Variants in FRMD4A observed in about 807,000 individuals in gnomAD.
FRMD4A encodes FERM domain-containing protein 4A.
Under a neutral mutation model 129.1 loss-of-function variants are expected in FRMD4A, and 29 were observed. The ratio of observed to expected loss-of-function variants is 0.22; its 90% CI spans 0.17 to 0.31. The LOEUF (loss-of-function observed/expected upper bound fraction) is 0.31, where lower values mean the gene tolerates loss of function less well. FRMD4A is among the 10% of genes least tolerant of loss of function. The pLI, the probability that FRMD4A is intolerant of heterozygous loss-of-function variation, is 1.00. For synonymous variants in FRMD4A, 634 were observed against 571.6 expected (o/e 1.11, Z -1.56); for missense variants, 1,272 against 1,375.8 (o/e 0.92, Z 1.19).
chr10:14,246,929 T>C (rs1336379809), intron 2 of FRMD4A, among the ~76,000 whole-genome samples: 2 of 152,076 alleles, frequency 1.3e-5, no homozygotes, highest in Admixed American at 1.3e-4. Flanking sequence ...CACCCGGTAG[T>C]GTAGCTGCGT....
rs56192445 is a variant in FRMD4A at position 13,959,471 on chromosome 10, TAAAAAAAA to T, written c.46-100567_46-100560del. On this transcript the variant is annotated intron_variant, in intron 2 of 24. Coordinates refer to ENST00000357447, the MANE Select transcript of FRMD4A (RefSeq NM_018027.5). Reference sequence around the variant, plus strand: ...CGGGTGACAGAGCAAGACTGTTTCATAAAAAAAAAAAAAAAAAAAAAAAAAAAAGCTGT... The same window carrying T: ...CGGGTGACAGAGCAAGACTGTTTCATAAAAAAAAAAAAAAAAAAAAGCTGT... Among the ~76,000 whole-genome samples the T allele has an allele frequency of 9.4e-5, 5 of 53,110 alleles. No individual in the cohort carries two copies. The East Asian group carries it at 3.2e-3, about 33-fold the overall frequency. 34.8% of individuals were successfully genotyped at this position (53,110 alleles called of 152,430 possible). A position where few individuals can be genotyped will look rare whatever the true frequency, so the allele number is the denominator to read the frequency against.
intron 2 of FRMD4A, among the ~76,000 whole-genome samples, chr10:14,238,190 A>G (rs906204342): frequency 2.0e-5 from 3 of 152,212 alleles, no homozygotes; most frequent in Non-Finnish European, 2.9e-5. Flanking sequence ...TAAGCACCTT[A>G]TATGTGGGGT....
intron 2 of FRMD4A, among the ~76,000 whole-genome samples, chr10:13,899,730 C>T (rs1319680905): frequency 3.9e-5 from 6 of 152,284 alleles, no homozygotes; most frequent in East Asian, 1.9e-4. Context: ...AACCCAGAGT[C>T]GTCTTTTGGA....
At chr10:13,852,209 A>G (rs969120502) in intron 3 of FRMD4A, among the ~76,000 whole-genome samples, 3 of 152,020 alleles carry the variant, frequency 2.0e-5, no homozygotes, top group African/African-American at 7.2e-5. Context: ...CAAAAGAAAT[A>G]CAACGTGAGC....
chr10:13,746,137 C>T (rs1009284084), intron 9 of FRMD4A, among the ~76,000 whole-genome samples: 4 of 152,172 alleles, frequency 2.6e-5, no homozygotes, highest in African/African-American at 4.8e-5. Context: ...AGGGAGCTCC[C>T]AGCCTCGGGT....
chr10:13,893,906 C>A (rs907713694), intron 2 of FRMD4A, among the ~76,000 whole-genome samples: 1 of 152,226 alleles, frequency 6.6e-6, no homozygotes, highest in African/African-American at 2.4e-5. Flanking sequence ...GCCTTGGCCA[C>A]TGTCATATTC....
intron 2 of FRMD4A, among the ~76,000 whole-genome samples, chr10:13,987,189 T>C (rs1336184578): frequency 6.6e-6 from 1 of 152,152 alleles, no homozygotes; most frequent in Non-Finnish European, 1.5e-5. Flanking sequence ...TATTTTCACA[T>C]GGCTTCGAAA....
chr10:13,732,289 C>G (rs1050160463), intron 12 of FRMD4A, among the ~76,000 whole-genome samples: 4 of 150,248 alleles, frequency 2.7e-5, no homozygotes, highest in Non-Finnish European at 5.9e-5. Flanking sequence ...CAGTCATCAG[C>G]TACTCTTTCT....
intron 2 of FRMD4A, among the ~76,000 whole-genome samples, chr10:13,945,868 T>C (rs1043261968): frequency 3.9e-5 from 6 of 152,190 alleles, no homozygotes; most frequent in Admixed American, 1.3e-4. Flanking sequence ...TGCTCATGAC[T>C]GCAGGCTTCA....
intron 2 of FRMD4A, among the ~76,000 whole-genome samples, chr10:13,920,931 C>A (rs1268959240): frequency 2.6e-5 from 4 of 152,314 alleles, no homozygotes; most frequent in South Asian, 4.1e-4. Flanking sequence ...AGGCACTGCG[C>A]CACACATGTT....
chr10:13,970,713 C>T lies in FRMD4A; in HGVS notation c.46-111801G>A, dbSNP rs570077890. Among the ~76,000 whole-genome samples, 20 of 152,288 alleles carry T rather than the reference C, an allele frequency of 1.3e-4. No homozygotes were observed. In the South Asian group the frequency reaches 3.3e-3, roughly 25 times the overall value. On this transcript the variant is annotated intron_variant, in intron 2 of 24. Transcript: ENST00000357447. ...TGCTATGCTGCCTGCGCCCCCCACT[C>T]CCCACGCAATCTGGGTCCTCTCAGG...
At chr10:13,856,250 G>C (rs1449735284) in intron 3 of FRMD4A, among the ~76,000 whole-genome samples, 3 of 106,932 alleles carry the variant, frequency 2.8e-5, no homozygotes, top group African/African-American at 1.1e-4. Context: ...GTGTGTGTGT[G>C]TGTGTGTGTG....
rs552784340 is a variant in FRMD4A at position 13,872,582 on chromosome 10, C to T, written c.46-13670G>A. Among the ~76,000 whole-genome samples the T allele has an allele frequency of 1.1e-4, 16 of 152,376 alleles. No individual in the cohort carries two copies. In the South Asian group the frequency reaches 1.9e-3, roughly 18 times the overall value. On this transcript the variant is annotated intron_variant, in intron 2 of 24. Transcript: ENST00000357447. The stretch of plus-strand genomic sequence containing the variant: ...TTCACAGCACATGCGTTCACGCAGA[C>T]GTTCTGCAAGGGCAGCTGGGAGAGG...
chr10:14,227,617 T>G (rs542648248), intron 2 of FRMD4A, among the ~76,000 whole-genome samples: 1 of 152,090 alleles, frequency 6.6e-6, no homozygotes, highest in African/African-American at 2.4e-5. Flanking sequence ...ACACCAAGCC[T>G]GCATGAGGTG....
At chr10:14,234,128 T>C (rs1259996494) in intron 2 of FRMD4A, among the ~76,000 whole-genome samples, 1 of 152,104 alleles carries the variant, frequency 6.6e-6, no homozygotes, top group Non-Finnish European at 1.5e-5. Flanking sequence ...TAAATGAAAA[T>C]GCATCTTTTT....
intron 8 of FRMD4A, among the ~76,000 whole-genome samples, chr10:13,759,269 A>G (rs4424567): frequency 0.25 from 38,759 of 152,152 alleles, 5,670 homozygotes; most frequent in East Asian, 0.54. Flanking sequence ...CACTTTGACA[A>G]ATGGAGCACA....
intron 2 of FRMD4A, among the ~76,000 whole-genome samples, chr10:14,145,498 G>A (rs750190629): frequency 6.6e-6 from 1 of 152,126 alleles, no homozygotes; most frequent in Non-Finnish European, 1.5e-5. Flanking sequence ...GGGTGAATGG[G>A]CGATAATCAC....
At chr10:14,014,340 G>A (rs866354232) in intron 2 of FRMD4A, among the ~76,000 whole-genome samples, 13 of 152,046 alleles carry the variant, frequency 8.6e-5, no homozygotes, top group African/African-American at 3.1e-4. Flanking sequence ...AATATCACAC[G>A]CCCCCCATTA....
intron 5 of FRMD4A, among the ~76,000 whole-genome samples, chr10:13,788,649 G>A (rs1260036969): frequency 6.6e-6 from 1 of 152,190 alleles, no homozygotes; most frequent in Non-Finnish European, 1.5e-5. Context: ...TAGATGGAGC[G>A]CAGACCTTGC....
Sources: gnomAD v4.1 joint callset for allele counts (sites outside exome capture counted in the v4.1 genomes callset) on GRCh38, gnomAD v4.1.1 for gene constraint, MANE v1.5 for transcripts, NCBI Gene and HGNC (gene_info 2026-07-23, HGNC 2026-07-21) for gene names.